DSCAM: variants seen among roughly 807,000 people sequenced by gnomAD.
DSCAM encodes the protein cell adhesion molecule DSCAM.
A neutral mutation model predicts 217.7 loss-of-function variants in DSCAM; 47 were observed. The ratio of observed to expected loss-of-function variants is 0.22; its 90% CI spans 0.17 to 0.28. The LOEUF is 0.28. DSCAM is among the 10% of genes least tolerant of loss of function. DSCAM has a pLI of 1.00. For synonymous variants in DSCAM, 1,056 were observed against 1,015.3 expected (o/e 1.04, Z -0.76); for missense variants, 2,080 against 2,618.3 (o/e 0.79, Z 4.49).
rs73902632 is a variant in DSCAM, at chr21:40,461,001, G to A, written c.509-91756C>T. 2.1e-3 allele frequency among the ~76,000 whole-genome samples: 317 copies of A among 152,150 alleles called. 2 individuals are homozygous for A. The highest frequency in any genetic ancestry group is 6.7e-3 in the African/African-American group (279 of 41,542). ...CATATGCAAGCTTATTGATTTATACGACTATCAGTTACAGCCCTGTTCATA... is the reference window on the plus strand; with the variant it reads ...CATATGCAAGCTTATTGATTTATACAACTATCAGTTACAGCCCTGTTCATA... On this transcript the variant is annotated intron_variant, in intron 3 of 32. Coordinates refer to ENST00000400454, the MANE Select transcript of DSCAM (RefSeq NM_001389.5).
intron 3 of DSCAM, among the ~76,000 whole-genome samples, chr21:40,669,126 TG>T (rs1346976752): frequency 6.6e-6 from 1 of 152,214 alleles, no homozygotes; most frequent in African/African-American, 2.4e-5. Flanking sequence ...CTTAGTGTCC[TG>T]AACAGAGAAC....
At chr21:40,036,203 T>C (rs1448368384) in intron 32 of DSCAM, among the ~76,000 whole-genome samples, 1 of 146,910 alleles carries the variant, frequency 6.8e-6, no homozygotes, top group Non-Finnish European at 1.5e-5. Flanking sequence ...CAAAAAACCC[T>C]TCAAAAAATT....
intron 3 of DSCAM, among the ~76,000 whole-genome samples, chr21:40,505,741 C>T (rs1175997073): frequency 1.3e-5 from 2 of 152,150 alleles, no homozygotes; most frequent in Middle Eastern, 3.2e-3. Flanking sequence ...TGGGGAAGCT[C>T]GGCTCATCAC....
At chr21:40,761,507 A>T (rs1189758760) in intron 1 of DSCAM, among the ~76,000 whole-genome samples, 1 of 152,060 alleles carries the variant, frequency 6.6e-6, no homozygotes, top group Non-Finnish European at 1.5e-5. Flanking sequence ...CCACCAGCTA[A>T]GGAGAGAGGA....
intron 11 of DSCAM, among the ~76,000 whole-genome samples, chr21:40,221,060 T>C (rs1297885456): frequency 6.6e-6 from 1 of 152,206 alleles, no homozygotes; most frequent in Non-Finnish European, 1.5e-5. Context: ...TTCACATGGC[T>C]AGTGAGAAGC....
chr21:40,510,722 T>C (rs754846488), intron 3 of DSCAM, among the ~76,000 whole-genome samples: 4 of 152,178 alleles, frequency 2.6e-5, no homozygotes, highest in African/African-American at 4.8e-5. Context: ...AAAGTGTCCA[T>C]GTGCAAGACC....
chr21:40,018,883 G>T (rs1425398144), intron 32 of DSCAM, among the ~76,000 whole-genome samples: 1 of 152,152 alleles, frequency 6.6e-6, no homozygotes, highest in African/African-American at 2.4e-5. Context: ...CAATATCTCT[G>T]ATTGATCCAG....
intron 1 of DSCAM, among the ~76,000 whole-genome samples, chr21:40,753,096 C>T (rs2091244505): frequency 1.3e-5 from 2 of 152,186 alleles, no homozygotes; most frequent in African/African-American, 4.8e-5. Flanking sequence ...CAGACTTGCT[C>T]CATGTTGGAC....
intron 3 of DSCAM, among the ~76,000 whole-genome samples, chr21:40,592,772 C>T (rs957354977): frequency 3.9e-5 from 6 of 152,160 alleles, no homozygotes; most frequent in African/African-American, 1.4e-4. Flanking sequence ...CTTCACCGCA[C>T]TTGTATCACC....
At chr21:40,080,459 G>A (rs2146560306) in intron 24 of DSCAM, 119 bp from the exon 25 acceptor site, 1 of 901,436 alleles carries the variant, frequency 1.1e-6, no homozygotes, top group Non-Finnish European at 1.6e-6. Flanking sequence ...AGAATCTTCA[G>A]AAGGAACATT....
rs1473200954 is a variant in DSCAM at position 40,771,908 on chromosome 21, G to C, written c.44-63137C>G. Among the ~76,000 whole-genome samples, 6 of 152,118 alleles carry C rather than the reference G, an allele frequency of 3.9e-5. No homozygotes were observed. The East Asian group carries it at 1.2e-3, about 29-fold the overall frequency. On this transcript the variant is annotated intron_variant, in intron 1 of 32. Transcript: ENST00000400454. ...TGCGTATGTCGCATACAATGAAGAGGGGAAAATGGAGACTGGAGTTTATGA... is the reference window on the plus strand; with the variant it reads ...TGCGTATGTCGCATACAATGAAGAGCGGAAAATGGAGACTGGAGTTTATGA...
intron 1 of DSCAM, among the ~76,000 whole-genome samples, chr21:40,782,088 G>A (rs1274854157): frequency 1.3e-5 from 2 of 151,182 alleles, no homozygotes; most frequent in Non-Finnish European, 2.9e-5. Flanking sequence ...GGAGAATGGC[G>A]TGAACCCGGG....
intron 3 of DSCAM, among the ~76,000 whole-genome samples, chr21:40,411,184 A>G (rs1012072911): frequency 7.7e-6 from 1 of 129,532 alleles, no homozygotes; most frequent in East Asian, 2.7e-4. Flanking sequence ...ATACACACAC[A>G]CACACACACA....
intron 1 of DSCAM, among the ~76,000 whole-genome samples, chr21:40,780,279 T>C (rs2091527694): frequency 6.6e-6 from 1 of 152,064 alleles, no homozygotes; most frequent in Admixed American, 6.6e-5. Flanking sequence ...ACTGGCATGA[T>C]GAGGCTCTAG....
chr21:40,376,453 C>CTATATCA (rs1235466455), intron 3 of DSCAM, among the ~76,000 whole-genome samples: 1 of 138,232 alleles, frequency 7.2e-6, no homozygotes, highest in Admixed American at 7.6e-5. Context: ...ATATAGATAT[C>CTATATCA]TATATATCTT....
intron 3 of DSCAM, among the ~76,000 whole-genome samples, chr21:40,375,970 C>G (rs759155770): frequency 2.4e-4 from 37 of 152,042 alleles, no homozygotes; most frequent in Non-Finnish European, 4.3e-4. Flanking sequence ...TCATTATGCT[C>G]CCTGGCTTTT....
intron 3 of DSCAM, among the ~76,000 whole-genome samples, chr21:40,629,018 C>A (rs1202312495): frequency 6.6e-6 from 1 of 152,004 alleles, no homozygotes; most frequent in African/African-American, 2.4e-5. Context: ...GGCCACTGCA[C>A]CCAGCCCTAT....
chr21:40,698,713 T>C (rs1175201229), intron 2 of DSCAM, among the ~76,000 whole-genome samples: 3 of 151,704 alleles, frequency 2.0e-5, no homozygotes, highest in Admixed American at 6.6e-5. Context: ...TTACTAAAAA[T>C]ACAAAAATTA....
rs1198754708 is a variant in DSCAM at position 40,692,876 on chromosome 21, G to A, written c.442C>T (p.Pro148Ser). Residue 148 changes from proline to serine, a missense_variant, in exon 3 of 33, where the codon CCC (proline) becomes TCC (serine). Transcript: ENST00000400454. ...GNVAVFKCII[P>S]SSVEAYITVV... Reference sequence around the variant, plus strand: ...GTGATGTACGCCTCCACCGAGGAGGGGATAATGCACTTGAAGACCGCAACA... The same window carrying A: ...GTGATGTACGCCTCCACCGAGGAGGAGATAATGCACTTGAAGACCGCAACA... The A allele has an allele frequency of 6.2e-7, 1 of 1,613,890 alleles. No homozygotes were observed. The highest frequency in any genetic ancestry group is 8.5e-7 in the Non-Finnish European group (1 of 1,179,912).
Sources: allele counts gnomAD v4.1 joint callset (sites outside exome capture counted in the v4.1 genomes callset), GRCh38; gene constraint gnomAD v4.1.1; transcripts MANE v1.5; gene names NCBI Gene and HGNC (gene_info 2026-07-23, HGNC 2026-07-21).